The following HSF1 variants were observed in gnomAD, a reference collection of about 807,000 sequenced individuals.
HSF1 encodes heat shock transcription factor 1, also known as heat shock factor protein 1.
In HSF1, 32 loss-of-function variants were observed where a neutral mutation model predicts 51.7. The observed-to-expected ratio is 0.62, with a 90% CI of 0.47 to 0.83. The LOEUF (loss-of-function observed/expected upper bound fraction) is 0.83, where lower values mean the gene tolerates loss of function less well. Among genes scored for constraint, HSF1 ranks in the 40% least tolerant of loss-of-function variants. The pLI is 0.00. For synonymous variants in HSF1, 396 were observed against 309.7 expected (o/e 1.28, Z -2.92); for missense variants, 727 against 717.0 (o/e 1.01, Z -0.16).
chr8:144,313,830 C>T lies in HSF1; in HGVS notation c.1249-16C>T, dbSNP rs782122185. ...CGCCCCCGGGTGCTGTTCTGACTTC[C>T]CTCCCTCCTCCGCAGCTGTTCAGCC... On this transcript the variant is annotated splice_polypyrimidine_tract_variant and intron_variant, in intron 10 of 12. Transcript: ENST00000528838. 1.9e-6 allele frequency: 3 copies of T among 1,570,718 alleles called. No homozygotes were observed. Among genetic ancestry groups the T allele is most frequent in the South Asian group, 1.1e-5 (1 of 89,760 alleles).
chr8:144,295,406 C>A (rs1815386107), intron 1 of HSF1, among the ~76,000 whole-genome samples: 1 of 152,242 alleles, frequency 6.6e-6, no homozygotes, highest in African/African-American at 2.4e-5. Context: ...ACCCAGCTGG[C>A]TGAGGAGCCT....
chr8:144,312,189 T>TCC lies in HSF1; in HGVS notation c.1093_1094dup (p.Pro366ArgfsTer12). The TCC allele has an allele frequency of 1.4e-6, 1 of 692,864 alleles. No homozygotes were observed. The highest frequency in any genetic ancestry group is 2.1e-6 in the Non-Finnish European group (1 of 469,728). The allele number at this position is 692,864 out of a possible 1,614,324, so 42.9% of individuals were successfully genotyped here. On this transcript the variant is annotated frameshift_variant, in exon 9 of 13. Transcript: ENST00000528838. LOFTEE classifies it high-confidence loss of function. ...CACGGACACCGAGGGCCGGCCTCCCTCCCCCCCGCCCACCTCCACCCCTGA... is the reference window on the plus strand; with the variant it reads ...CACGGACACCGAGGGCCGGCCTCCCTCCCCCCCCCGCCCACCTCCACCCCTGA...
At position 144,309,480 on chromosome 8, in the gene HSF1, C is replaced by G. The variant is rs143928888; in HGVS notation, c.252C>G (p.Ile84Met). The G allele has an allele frequency of 1.2e-6, 2 of 1,613,920 alleles. No homozygotes were observed. Among genetic ancestry groups the G allele is most frequent in the African/African-American group, 2.7e-5 (2 of 74,934 alleles). Reference protein sequence around the residue: ...NMYGFRKVVHIEQGGLVKPER... With the variant: ...NMYGFRKVVHMEQGGLVKPER... ...ATGGCTTCCGGAAAGTGGTCCACAT[C>G]GAGCAGGGCGGCCTGGTCAAGCCAG... The change falls in exon 3 of 13, where the codon ATC (isoleucine) becomes ATG (methionine). Residue 84 changes from isoleucine to methionine, a missense_variant. Coordinates refer to ENST00000528838, the MANE Select transcript of HSF1 (RefSeq NM_005526.4).
chr8:144,310,954 G>A (rs2130437557), intron 4 of HSF1: 1 of 588,370 alleles, frequency 1.7e-6, no homozygotes, highest in East Asian at 2.8e-5. Context: ...CACCCTACGT[G>A]ACACCAGGTG....
rs1554844754 is a variant in HSF1 at position 144,311,968 on chromosome 8, T to C, written c.866T>C (p.Leu289Pro). The C allele has an allele frequency of 6.3e-7, 1 of 1,587,132 alleles. No homozygotes were observed. Among genetic ancestry groups the C allele is most frequent in the Non-Finnish European group, 8.6e-7 (1 of 1,168,108 alleles). The change falls in exon 9 of 13, where the codon CTA (leucine) becomes CCA (proline). Residue 289 changes from leucine (L) to proline (P), a missense_variant. Coordinates refer to ENST00000528838, the MANE Select transcript of HSF1 (RefSeq NM_005526.4). ...CTGGCCCCCCTCGTGTGCAGGCCCC[T>C]ATCCAGCAGCCCCCTGGTGCGTGTC... ...SPGGSIDERP[L>P]SSSPLVRVKE... is the part of the protein sequence containing the mutation.
rs1219725858 is a variant in HSF1, at chr8:144,312,764, C to T, written c.1142+520C>T. ...GGAGGGCTCTGCCAGCGCTCGGGCCCTCCCACACAGCCGTGGACCAGACCC... is the reference window on the plus strand; with the variant it reads ...GGAGGGCTCTGCCAGCGCTCGGGCCTTCCCACACAGCCGTGGACCAGACCC... On this transcript the variant is annotated intron_variant, in intron 9 of 12. Transcript: ENST00000528838. 7 of 1,465,982 alleles carry T rather than the reference C, an allele frequency of 4.8e-6. No individual in the cohort carries two copies. The Admixed American group carries it at 5.9e-5, about 12-fold the overall frequency. 90.8% of individuals were successfully genotyped at this position (1,465,982 alleles called of 1,614,324 possible).
chr8:144,312,502 C>T (rs1428601901), intron 9 of HSF1: 9 of 890,556 alleles, frequency 1.0e-5, no homozygotes, highest in East Asian at 5.3e-5. Context: ...CCGCCACCCT[C>T]GCCACAGGCC....
intron 2 of HSF1, 164 bp downstream of exon 2, chr8:144,309,178 A>G: frequency 1.5e-6 from 1 of 680,506 alleles, no homozygotes; most frequent in South Asian, 1.8e-5. Flanking sequence ...CGCCTCTTCC[A>G]TGGGGGAGGG....
At position 144,314,189 on chromosome 8, in the gene HSF1, C is replaced by A; in HGVS notation, c.1449C>A (p.Thr483=). The change falls in exon 13 of 13, where the codon ACC becomes ACA. Residue 483 remains threonine, a synonymous_variant. Transcript: ENST00000528838. ...TGCTGGACCCCGGCTCCGTGGACACCGGGAGCAACGACCTGCCGGTGCTGT... is the reference window on the plus strand; with the variant it reads ...TGCTGGACCCCGGCTCCGTGGACACAGGGAGCAACGACCTGCCGGTGCTGT... ...LFLLDPGSVD[T]GSNDLPVLFE... is the part of the protein sequence containing the mutation. 1 of 1,549,862 alleles carries A rather than the reference C, an allele frequency of 6.5e-7. No homozygotes were observed. Among genetic ancestry groups the A allele is most frequent in the Non-Finnish European group, 8.7e-7 (1 of 1,146,830 alleles).
chr8:144,306,102 A>C (rs1221295067), intron 1 of HSF1, among the ~76,000 whole-genome samples: 1 of 152,038 alleles, frequency 6.6e-6, no homozygotes, highest in African/African-American at 2.4e-5. Flanking sequence ...GCTTCTTTAC[A>C]ATTTTTATCT....
chr8:144,305,883 C>T (rs1816192400), intron 1 of HSF1, among the ~76,000 whole-genome samples: 1 of 151,976 alleles, frequency 6.6e-6, no homozygotes, highest in Non-Finnish European at 1.5e-5. Flanking sequence ...CAGGCATGAG[C>T]CACCACACCT....
intron 1 of HSF1, among the ~76,000 whole-genome samples, chr8:144,305,765 C>G (rs1262608061): frequency 2.7e-5 from 3 of 111,630 alleles, no homozygotes; most frequent in Non-Finnish European, 5.1e-5. Flanking sequence ...CGGAGTCTCA[C>G]TCTGTAGCCC....
At chr8:144,293,959 G>A (rs1049479435) in intron 1 of HSF1, among the ~76,000 whole-genome samples, 7 of 151,848 alleles carry the variant, frequency 4.6e-5, no homozygotes, top group Non-Finnish European at 7.4e-5. Flanking sequence ...GTTCTGGGCA[G>A]GGCTTTTGAG....
intron 1 of HSF1, among the ~76,000 whole-genome samples, chr8:144,300,458 C>T (rs1458910934): frequency 2.0e-5 from 3 of 152,062 alleles, no homozygotes; most frequent in Non-Finnish European, 4.4e-5. Context: ...ACCTCGTGAT[C>T]CGCCCACCTT....
intron 1 of HSF1, among the ~76,000 whole-genome samples, chr8:144,292,211 G>A (rs1815138578): frequency 6.6e-6 from 1 of 152,264 alleles, no homozygotes; most frequent in Admixed American, 6.5e-5. Flanking sequence ...ACCCGGCTTC[G>A]CCAGCGGACG....
intron 1 of HSF1, among the ~76,000 whole-genome samples, chr8:144,305,512 A>T (rs1554843137): frequency 6.6e-6 from 1 of 152,088 alleles, no homozygotes; most frequent in East Asian, 1.9e-4. Context: ...CATGTTGGCC[A>T]GGATGGTCTA....
At chr8:144,295,575 A>G (rs2130318025) in intron 1 of HSF1, among the ~76,000 whole-genome samples, 1 of 152,346 alleles carries the variant, frequency 6.6e-6, no homozygotes. Context: ...TGTTTTTTAG[A>G]TAAGGTCTCG....
At chr8:144,304,800 C>T (rs1387922615) in intron 1 of HSF1, among the ~76,000 whole-genome samples, 3 of 151,882 alleles carry the variant, frequency 2.0e-5, no homozygotes, top group Non-Finnish European at 4.4e-5. Flanking sequence ...GCATGAGCCA[C>T]GACACTAAAA....
chr8:144,309,051 G>A, intron 2 of HSF1, 37 bp downstream of exon 2: 1 of 1,471,698 alleles, frequency 6.8e-7, no homozygotes, highest in South Asian at 1.1e-5. Flanking sequence ...GGGTGCGGGA[G>A]GCAGACCTGC....
Sources: allele counts gnomAD v4.1 joint callset (sites outside exome capture counted in the v4.1 genomes callset), GRCh38; gene constraint gnomAD v4.1.1; transcripts MANE v1.5; gene names NCBI Gene and HGNC (gene_info 2026-07-23, HGNC 2026-07-21).